RPS29: variants seen among roughly 807,000 people sequenced by gnomAD.
The protein encoded by RPS29 is ribosomal protein S29.
For missense variants in RPS29, 60 were observed against 75.7 expected (o/e 0.79, Z 0.77); for synonymous variants, 37 against 26.9 (o/e 1.37, Z -1.16).
At chr14:49,582,507 CTTT>C (rs1286608327), downstream of RPS29, among the ~76,000 whole-genome samples, 1 of 152,100 alleles carries the variant, frequency 6.6e-6, no homozygotes, top group Non-Finnish European at 1.5e-5. Context: ...TTTTAACCTG[CTTT>C]TTTTCAAATA....
At chr14:49,578,121 T>C (rs1881236349) in intron 2 of RPS29, among the ~76,000 whole-genome samples, 2 of 152,110 alleles carry the variant, frequency 1.3e-5, no homozygotes. Context: ...AGCCCTTTTT[T>C]TTTTCAGAGA....
exon 1 of RPS29, chr14:49,598,423 A>G (rs1182095790): frequency 1.4e-6 from 1 of 700,258 alleles, no homozygotes; most frequent in Non-Finnish European, 2.6e-6. Flanking sequence ...TTATTTGTTC[A>G]GCAGGAATTG....
exon 3 of RPS29, chr14:49,573,466 C>CAAAAAAAAAAAA (rs538991068): frequency 4.2e-5 from 2 of 47,772 alleles, no homozygotes; most frequent in Non-Finnish European, 9.5e-5. Flanking sequence ...GAGTTAGAAT[C>CAAAAAAAAAAAA]AAAAAAAAAA....
chr14:49,594,082 C>T (rs1020334223), intron 1 of RPS29, among the ~76,000 whole-genome samples: 11 of 152,062 alleles, frequency 7.2e-5, no homozygotes, highest in Non-Finnish European at 1.0e-4. Flanking sequence ...TATCTATAAA[C>T]GACATTTCAG....
chr14:49,582,012 C>CAAAAAAAAAAAAA (rs58507206), downstream of RPS29, among the ~76,000 whole-genome samples: 116 of 106,468 alleles, frequency 1.1e-3, 1 homozygote, highest in African/African-American at 4.6e-3. Context: ...CCCTGCCCCC[C>CAAAAAAAAAAAAA]AAAAAAAAAA....
At chr14:49,577,904 A>G in intron 2 of RPS29, 2 of 1,356,172 alleles carry the variant, frequency 1.5e-6, no homozygotes, top group Non-Finnish European at 2.1e-6. Context: ...ATGATGCCCA[A>G]CCAAATTCAA....
At chr14:49,577,929 A>G (rs1005772531) in intron 2 of RPS29, 14 of 1,019,230 alleles carry the variant, frequency 1.4e-5, no homozygotes, top group Non-Finnish European at 2.0e-5. Context: ...TTTGTACTGC[A>G]TGCCTGCCCT....
chr14:49,582,012 C>CCAAAAA (rs71115379), downstream of RPS29, among the ~76,000 whole-genome samples: 9,087 of 105,548 alleles, frequency 0.086, 289 homozygotes, highest in Non-Finnish European at 0.12. Context: ...CCCTGCCCCC[C>CCAAAAA]AAAAAAAAAA....
chr14:49,581,474 C>T (rs182120565), downstream of RPS29, among the ~76,000 whole-genome samples: 22 of 152,340 alleles, frequency 1.4e-4, no homozygotes, highest in Admixed American at 9.8e-4. Flanking sequence ...GCAATTCTAT[C>T]CTTCCAGTTG....
chr14:49,586,513 G>C, upstream of RPS29: 1 of 653,152 alleles, frequency 1.5e-6, no homozygotes, highest in South Asian at 1.7e-5. Context: ...GAGGCGTTGT[G>C]GGCTGGCCCA....
At chr14:49,586,473 G>A (rs2139514867), upstream of RPS29, 1 of 803,756 alleles carries the variant, frequency 1.2e-6, no homozygotes, top group African/African-American at 1.7e-5. Flanking sequence ...TGGTCAGGTT[G>A]TTTCGCTGGG....
At chr14:49,585,098 G>A (rs1040962081) in intron 2 of RPS29, among the ~76,000 whole-genome samples, 13 of 151,992 alleles carry the variant, frequency 8.6e-5, no homozygotes, top group Admixed American at 4.6e-4. Context: ...GGCCGGGCGC[G>A]GTGGCTCACG....
chr14:49,593,392 T>C (rs1446978863), intron 1 of RPS29, among the ~76,000 whole-genome samples: 1 of 152,104 alleles, frequency 6.6e-6, no homozygotes, highest in Non-Finnish European at 1.5e-5. Flanking sequence ...CAGTCAACAC[T>C]CAAATGTGCT....
intron 1 of RPS29, chr14:49,592,361 A>ATGT (rs1881731749): frequency 8.1e-6 from 1 of 123,958 alleles, no homozygotes; most frequent in African/African-American, 3.1e-5. Flanking sequence ...TTTAAAGTCT[A>ATGT]TGTTTTTTTT....
chr14:49,595,936 C>CG (rs1208146455), intron 1 of RPS29, among the ~76,000 whole-genome samples: 1 of 138,738 alleles, frequency 7.2e-6, no homozygotes, highest in Admixed American at 7.9e-5. Flanking sequence ...TCGCTTGAGC[C>CG]GGGGAGGCTG....
intron 1 of RPS29, chr14:49,597,670 T>C (rs2139525300): frequency 6.6e-6 from 1 of 151,896 alleles, no homozygotes; most frequent in East Asian, 1.9e-4. Context: ...TTTTTTTTTT[T>C]TGAGACGGGG....
chr14:49,591,972 G>A (rs868826708), intron 1 of RPS29, among the ~76,000 whole-genome samples: 10 of 152,046 alleles, frequency 6.6e-5, no homozygotes, highest in African/African-American at 2.4e-4. Flanking sequence ...ATTTTCTGAT[G>A]AGACAGAGCG....
intron 1 of RPS29, among the ~76,000 whole-genome samples, chr14:49,594,984 G>A (rs1881788315): frequency 1.3e-5 from 2 of 152,050 alleles, no homozygotes; most frequent in Non-Finnish European, 2.9e-5. Context: ...GCCAATAAAA[G>A]CTTCCTTTTA....
upstream of RPS29, among the ~76,000 whole-genome samples, chr14:49,589,265 GTTCT>G (rs1045223776): frequency 1.5e-4 from 22 of 151,692 alleles, no homozygotes; most frequent in African/African-American, 3.4e-4. Flanking sequence ...TTGGGTTTGG[GTTCT>G]TTGTTTTTTA....
Sources: allele counts gnomAD v4.1 joint callset (sites outside exome capture counted in the v4.1 genomes callset), GRCh38; gene constraint gnomAD v4.1.1; transcripts MANE v1.5; gene names NCBI Gene and HGNC (gene_info 2026-07-23, HGNC 2026-07-21).